The following GPC5 variants were observed in gnomAD, a reference collection of about 807,000 sequenced individuals.
GPC5 encodes glypican-5.
A neutral mutation model predicts 53.9 loss-of-function variants in GPC5; 47 were observed. The observed-to-expected ratio is 0.87, with a 90% confidence interval of 0.69 to 1.11. GPC5 has a LOEUF of 1.11. Ranked by LOEUF, GPC5 falls within the 50% of genes most tolerant of loss-of-function variation. The probability of loss-of-function intolerance (pLI) is 0.00; values close to 1 mark genes in which losing one functional copy is unlikely to be tolerated. For synonymous variants in GPC5, 286 were observed against 263.3 expected, an observed-to-expected ratio of 1.09 and a Z score of -0.84; for missense variants, 748 against 713.1, an observed-to-expected ratio of 1.05 and a Z score of -0.56.
chr13:91,674,847 T>C (rs932245176), intron 2 of GPC5, among the ~76,000 whole-genome samples: 4 of 151,904 alleles, frequency 2.6e-5, no homozygotes, highest in Non-Finnish European at 5.9e-5. Context: ...CCTCTTCAAC[T>C]TCCTGCCATA....
intron 2 of GPC5, among the ~76,000 whole-genome samples, chr13:91,598,326 G>GAA (rs34281576): frequency 1.8e-4 from 27 of 150,966 alleles, no homozygotes; most frequent in East Asian, 1.9e-4. Context: ...TAGTAAAATT[G>GAA]AAAAAAAACT....
At chr13:92,049,879 G>T (rs1468859601) in intron 6 of GPC5, among the ~76,000 whole-genome samples, 1 of 152,032 alleles carries the variant, frequency 6.6e-6, no homozygotes, top group African/African-American at 2.4e-5. Flanking sequence ...CCACAAAATA[G>T]TATGTCTAGA....
chr13:92,018,750 T>G (rs1278440068), intron 6 of GPC5, among the ~76,000 whole-genome samples: 1 of 152,132 alleles, frequency 6.6e-6, no homozygotes. Flanking sequence ...TTATAATTAG[T>G]TATAATCATA....
chr13:92,436,038 A>T (rs1877291956), intron 7 of GPC5, among the ~76,000 whole-genome samples: 1 of 152,190 alleles, frequency 6.6e-6, no homozygotes, highest in African/African-American at 2.4e-5. Flanking sequence ...GTAAATTAAC[A>T]TCTTACTGAC....
intron 7 of GPC5, among the ~76,000 whole-genome samples, chr13:92,269,514 T>G: frequency 6.6e-6 from 1 of 152,124 alleles, no homozygotes; most frequent in Non-Finnish European, 1.5e-5. Flanking sequence ...CAAGCAATTC[T>G]CCTGCCTCAG....
At chr13:92,849,174 G>C (rs180788421) in intron 7 of GPC5, among the ~76,000 whole-genome samples, 1 of 152,080 alleles carries the variant, frequency 6.6e-6, no homozygotes, top group East Asian at 1.9e-4. Flanking sequence ...ACAGCCTAAG[G>C]TCTTCTCCTC....
At chr13:91,831,487 A>G (rs1446690368) in intron 5 of GPC5, among the ~76,000 whole-genome samples, 13 of 152,060 alleles carry the variant, frequency 8.5e-5, no homozygotes, top group Non-Finnish European at 1.6e-4. Context: ...GACACTCAGT[A>G]TTAACCATCA....
At chr13:92,103,247 A>T (rs1429672447) in intron 6 of GPC5, among the ~76,000 whole-genome samples, 1 of 152,142 alleles carries the variant, frequency 6.6e-6, no homozygotes, top group South Asian at 2.1e-4. Context: ...GAGGAATTAC[A>T]TATAATAGAT....
intron 3 of GPC5, among the ~76,000 whole-genome samples, chr13:91,718,150 G>C (rs1017986062): frequency 6.6e-6 from 1 of 151,374 alleles, no homozygotes; most frequent in Non-Finnish European, 1.5e-5. Context: ...TCTCTCTGTA[G>C]CCCAGGCTGG....
intron 2 of GPC5, among the ~76,000 whole-genome samples, chr13:91,590,657 G>T (rs1430767477): frequency 6.6e-6 from 1 of 152,124 alleles, no homozygotes; most frequent in Non-Finnish European, 1.5e-5. Context: ...TTGAATGTAT[G>T]AATTTCCACA....
At chr13:92,419,028 A>G (rs1876441209) in intron 7 of GPC5, among the ~76,000 whole-genome samples, 1 of 152,218 alleles carries the variant, frequency 6.6e-6, no homozygotes, top group Admixed American at 6.5e-5. Context: ...GTGGCTTATA[A>G]GATGTGCAAG....
intron 7 of GPC5, among the ~76,000 whole-genome samples, chr13:92,776,622 T>C (rs569096278): frequency 6.6e-6 from 1 of 152,350 alleles, no homozygotes; most frequent in African/African-American, 2.4e-5. Context: ...ATATTTTTAC[T>C]GTTTTATATT....
chr13:92,290,917 G>A (rs986376911), intron 7 of GPC5, among the ~76,000 whole-genome samples: 10 of 152,094 alleles, frequency 6.6e-5, no homozygotes, highest in African/African-American at 9.6e-5. Flanking sequence ...CCGGGGCTGC[G>A]CACAGTGCTT....
At chr13:91,519,255 TA>T (rs1885674513) in intron 2 of GPC5, among the ~76,000 whole-genome samples, 1 of 152,172 alleles carries the variant, frequency 6.6e-6, no homozygotes, top group African/African-American at 2.4e-5. Flanking sequence ...GGGAAGTAAA[TA>T]AAAACTGAAT....
At position 91,927,848 on chromosome 13, in the gene GPC5, A is replaced by G. The variant is rs1320052429; in HGVS notation, c.1401+19791A>G. On this transcript the variant is annotated intron_variant, in intron 6 of 7. Transcript: ENST00000377067. ...TTTATCACTGGGATAAGGAGATGAAAATGGAGTCATTGGGAAAATGGATTC... is the reference window on the plus strand; with the variant it reads ...TTTATCACTGGGATAAGGAGATGAAGATGGAGTCATTGGGAAAATGGATTC... Among the ~76,000 whole-genome samples the G allele has an allele frequency of 2.0e-5, 3 of 152,272 alleles. No individual in the cohort carries two copies. In the South Asian group the frequency reaches 6.2e-4, roughly 32 times the overall value.
intron 7 of GPC5, among the ~76,000 whole-genome samples, chr13:92,533,442 G>C (rs1881625951): frequency 6.6e-6 from 1 of 151,998 alleles, no homozygotes; most frequent in African/African-American, 2.4e-5. Flanking sequence ...TCATTTACTT[G>C]TGTTATTATT....
chr13:91,877,752 T>A (rs1283522585), intron 5 of GPC5, among the ~76,000 whole-genome samples: 4 of 152,178 alleles, frequency 2.6e-5, no homozygotes, highest in African/African-American at 9.7e-5. Context: ...GGTTTTGAAA[T>A]GTGAGGACAT....
At chr13:92,341,944 G>A (rs2043370258) in intron 7 of GPC5, among the ~76,000 whole-genome samples, 1 of 152,078 alleles carries the variant, frequency 6.6e-6, no homozygotes, top group Non-Finnish European at 1.5e-5. Context: ...TTGTTTCTGA[G>A]AAGAAATACT....
chr13:92,832,074 T>G (rs567682930), intron 7 of GPC5, among the ~76,000 whole-genome samples: 1 of 152,262 alleles, frequency 6.6e-6, no homozygotes, highest in South Asian at 2.1e-4. Context: ...ATGAATGACT[T>G]AAAGAATGTC....
Sources: gnomAD v4.1 joint callset for allele counts (sites outside exome capture counted in the v4.1 genomes callset) on GRCh38, gnomAD v4.1.1 for gene constraint, MANE v1.5 for transcripts, NCBI Gene and HGNC (gene_info 2026-07-23, HGNC 2026-07-21) for gene names.